CROCC: variants seen among roughly 807,000 people sequenced by gnomAD.
CROCC encodes the protein rootletin.
CROCC carries 180 observed loss-of-function variants against 245.2 expected under a neutral mutation model. The observed-to-expected ratio is 0.73, with a 90% confidence interval of 0.65 to 0.83. The LOEUF (loss-of-function observed/expected upper bound fraction) is 0.83, where lower values mean the gene tolerates loss of function less well. CROCC is among the 40% of genes least tolerant of loss of function. The probability of loss-of-function intolerance (pLI) is 0.00; values close to 1 mark genes in which losing one functional copy is unlikely to be tolerated. For missense variants in CROCC, 2,688 were observed against 2,779.4 expected, an observed-to-expected ratio of 0.97 and a Z score of 0.74; for synonymous variants, 1,205 against 1,241.6, an observed-to-expected ratio of 0.97 and a Z score of 0.62.
At position 16,954,839 on chromosome 1, in the gene CROCC, C is replaced by G. The variant is rs748483439; in HGVS notation, c.3427C>G (p.Arg1143Gly). ...QEVRRLQEQA[R>G]DLGKQRDSCL... Reference sequence around the variant, plus strand: ...GGTGAGGAGGCTGCAAGAGCAGGCCCGAGACCTGGGCAAGCAGCGGGACTC... The same window carrying G: ...GGTGAGGAGGCTGCAAGAGCAGGCCGGAGACCTGGGCAAGCAGCGGGACTC... Residue 1143 changes from arginine (R) to glycine (G), a missense_variant, in exon 23 of 37, where the codon CGA (arginine) becomes GGA (glycine). This residue lies in a region of CROCC where 1,218 missense variants were observed against 1,286.3 expected (regional missense o/e 0.95). Coordinates refer to ENST00000375541, the MANE Select transcript of CROCC (RefSeq NM_014675.5). The surrounding 1 kb of genome is among the most constrained non-coding windows in gnomAD (Gnocchi z 4.4). 1.0e-5 allele frequency: 16 copies of G among 1,545,946 alleles called. No homozygotes were observed. Among genetic ancestry groups the G allele is most frequent in the East Asian group, 2.4e-5 (1 of 40,928 alleles).
At chr1:16,918,112 AT>A (rs2075328726), upstream of CROCC, among the ~76,000 whole-genome samples, 1 of 141,830 alleles carries the variant, frequency 7.1e-6, no homozygotes, top group Non-Finnish European at 1.5e-5. Context: ...GGAGTATTTT[AT>A]TTAATGCTCA....
chr1:16,938,765 G>A, intron 11 of CROCC, 144 bp from the exon 12 acceptor site: 1 of 861,108 alleles, frequency 1.2e-6, no homozygotes, highest in Non-Finnish European at 1.8e-6. Flanking sequence ...CTGAGCTAGT[G>A]GAGGAGGTGA....
chr1:16,939,184 G>C (rs1178436288), intron 12 of CROCC, 42 bp downstream of exon 12: 3 of 1,398,478 alleles, frequency 2.1e-6, no homozygotes, highest in South Asian at 3.2e-5. Flanking sequence ...CCAGAGGCCT[G>C]GGGGAGGGGC....
intron 32 of CROCC, 92 bp from the exon 33 acceptor site, chr1:16,969,693 T>A: frequency 6.6e-7 from 1 of 1,504,856 alleles, no homozygotes; most frequent in South Asian, 1.3e-5. Flanking sequence ...ACTGCCTGTT[T>A]TATGCTCTGT....
chr1:16,954,998 AT>A lies in CROCC; in HGVS notation c.3465+122del. 1 of 1,259,076 alleles carries A rather than the reference AT, an allele frequency of 7.9e-7. No individual in the cohort carries two copies. Among genetic ancestry groups the A allele is most frequent in the Non-Finnish European group, 1.1e-6 (1 of 937,072 alleles). The allele number at this position is 1,259,076 out of a possible 1,614,324, so 78.0% of individuals were successfully genotyped here. A position where few individuals can be genotyped will look rare whatever the true frequency, so the allele number is the denominator to read the frequency against. On this transcript the variant is annotated intron_variant, in intron 23 of 36. Coordinates refer to ENST00000375541, the MANE Select transcript of CROCC (RefSeq NM_014675.5). The surrounding 1 kb of genome is among the most constrained non-coding windows in gnomAD (Gnocchi z 4.4). ...CCTCCCTGCATTTGAGGACCAATGA[AT>A]AGCAACTTAGAAAGGAGGCAGCAAG...
At chr1:16,916,296 G>A (rs1162801676) in intron 1 of CROCC, among the ~76,000 whole-genome samples, 5 of 152,282 alleles carry the variant, frequency 3.3e-5, no homozygotes, top group Admixed American at 6.5e-5. Flanking sequence ...TTCATTTTAG[G>A]TGTGGTAAGG....
chr1:16,972,295 C>G (rs145793267), intron 36 of CROCC, 65 bp from the exon 37 acceptor site: 3 of 1,322,160 alleles, frequency 2.3e-6, no homozygotes, highest in Non-Finnish European at 3.3e-6. Flanking sequence ...GGGTTCCCTG[C>G]TGCCTCCCTT....
Position 16,940,016 on chromosome 1 carries a change from C to G in CROCC, c.1731C>G (p.Thr577=), listed in dbSNP as rs145068858. The change falls in exon 13 of 37, where the codon ACC becomes ACG. Residue 577 remains threonine (T), a synonymous_variant. Coordinates refer to ENST00000375541, the MANE Select transcript of CROCC (RefSeq NM_014675.5). ...AGCTGCAGCGCCTGCGGGACAAGAC[C>G]GACGGCGCCATGCAGGCCCACGAGG... ...EEQLQRLRDK[T]DGAMQAHEDA... 1.6e-5 allele frequency: 25 copies of G among 1,611,482 alleles called. No homozygotes were observed. The highest frequency in any genetic ancestry group is 2.0e-5 in the Non-Finnish European group (24 of 1,179,554).
At chr1:16,936,008 G>A (rs2075779680) in intron 8 of CROCC, among the ~76,000 whole-genome samples, 1 of 147,998 alleles carries the variant, frequency 6.8e-6, no homozygotes, top group Admixed American at 6.7e-5. Flanking sequence ...CCCACCAGCT[G>A]AGTAGGGGAG....
At chr1:16,950,598 T>C (rs2076142391) in intron 19 of CROCC, among the ~76,000 whole-genome samples, 1 of 152,164 alleles carries the variant, frequency 6.6e-6, no homozygotes, top group Non-Finnish European at 1.5e-5. Flanking sequence ...CCTAAGGTGA[T>C]CCACCTGCCC....
chr1:16,958,691 C>T lies in CROCC; in HGVS notation c.3973C>T (p.Leu1325=), dbSNP rs1469058503. 3 of 1,559,038 alleles carry T rather than the reference C, an allele frequency of 1.9e-6. No individual in the cohort carries two copies. The highest frequency in any genetic ancestry group is 2.4e-5 in the East Asian group (1 of 41,982). ...AGAGAAGGAGAGCAGGCGGGAGACCCTGGGCCTCCGGCAGAGGCTGCTGAA... is the reference window on the plus strand; with the variant it reads ...AGAGAAGGAGAGCAGGCGGGAGACCTTGGGCCTCCGGCAGAGGCTGCTGAA... ...RAEKESRRET[L]GLRQRLLKGE... The change falls in exon 26 of 37, where the codon CTG becomes TTG. Residue 1325 remains leucine, a synonymous_variant. Coordinates refer to ENST00000375541, the MANE Select transcript of CROCC (RefSeq NM_014675.5).
chr1:16,938,779 C>G, intron 11 of CROCC, 130 bp from the exon 12 acceptor site: 1 of 953,332 alleles, frequency 1.0e-6, no homozygotes, highest in Non-Finnish European at 1.6e-6. Context: ...GAGGTGAAAT[C>G]AGGAAGGCTT....
Position 16,954,487 on chromosome 1 carries a change from C to A in CROCC, c.3321+130C>A. ...AGGCTGTGGGAAAGGAGGTTTAGCC[C>A]TTCTTTTGGGAGCCCCCATCTGAGG... On this transcript the variant is annotated intron_variant, in intron 22 of 36. Coordinates refer to ENST00000375541, the MANE Select transcript of CROCC (RefSeq NM_014675.5). The surrounding 1 kb of genome is among the most constrained non-coding windows in gnomAD (Gnocchi z 4.4). 2 of 1,350,674 alleles carry A rather than the reference C, an allele frequency of 1.5e-6. No individual in the cohort carries two copies. The highest frequency in any genetic ancestry group is 2.5e-5 in the East Asian group (1 of 40,170). The allele number at this position is 1,350,674 out of a possible 1,614,324, so 83.7% of individuals were successfully genotyped here. A position where few individuals can be genotyped will look rare whatever the true frequency, so the allele number is the denominator to read the frequency against.
At position 16,955,852 on chromosome 1, in the gene CROCC, G is replaced by C. The variant is rs562358490; in HGVS notation, c.3705-145G>C. On this transcript the variant is annotated intron_variant, in intron 24 of 36. Coordinates refer to ENST00000375541, the MANE Select transcript of CROCC (RefSeq NM_014675.5). ...AGCCGAGGGCCTGGGCCCCAGCCCT[G>C]CAGGGCTCAGGGCTTAGCTCTTCAG... 78 of 1,049,662 alleles carry C rather than the reference G, an allele frequency of 7.4e-5. No individual in the cohort carries two copies. The African/African-American group carries it at 1.1e-3, about 15-fold the overall frequency. 65.0% of individuals were successfully genotyped at this position (1,049,662 alleles called of 1,614,324 possible).
intron 24 of CROCC, 105 bp from the exon 25 acceptor site, chr1:16,955,892 C>G: frequency 7.2e-7 from 1 of 1,380,340 alleles, no homozygotes; most frequent in Non-Finnish European, 1.0e-6. Context: ...GCCACATGGG[C>G]AGGCAGTGCC....
chr1:16,946,562 C>T (rs1046361019), intron 16 of CROCC, among the ~76,000 whole-genome samples, 157 bp downstream of exon 16: 1 of 152,284 alleles, frequency 6.6e-6, no homozygotes, highest in African/African-American at 2.4e-5. Flanking sequence ...CTGTCTATCC[C>T]CTCTAGGCGT....
chr1:16,948,025 G>A (rs1570664138), intron 17 of CROCC, among the ~76,000 whole-genome samples: 1 of 152,276 alleles, frequency 6.6e-6, no homozygotes, highest in Non-Finnish European at 1.5e-5. Flanking sequence ...TTTTAGTAGA[G>A]ACAGGGTTTC....
At chr1:16,933,629 C>T (rs560146178) in intron 8 of CROCC, among the ~76,000 whole-genome samples, 53 of 152,282 alleles carry the variant, frequency 3.5e-4, no homozygotes, top group Admixed American at 3.1e-3. Flanking sequence ...TGAAGTGGCA[C>T]GATCTTGGCT....
intron 21 of CROCC, 74 bp downstream of exon 21, chr1:16,953,555 C>T: frequency 1.1e-5 from 15 of 1,412,322 alleles, no homozygotes; most frequent in Non-Finnish European, 1.3e-5. Flanking sequence ...TGCTCTGCCA[C>T]TTGGCAGCTA....
Sources: gnomAD v4.1 joint callset for allele counts (sites outside exome capture counted in the v4.1 genomes callset) on GRCh38, gnomAD v4.1.1 for gene constraint, gnomAD v4.1.1 regional missense constraint, Gnocchi (gnomAD v3.1) non-coding constraint, MANE v1.5 for transcripts, NCBI Gene and HGNC (gene_info 2026-07-23, HGNC 2026-07-21) for gene names.